SLCO3A1: variants seen among roughly 807,000 people sequenced by gnomAD.
SLCO3A1 encodes the protein PGE1 transporter.
A neutral mutation model predicts 63.1 loss-of-function variants in SLCO3A1; 27 were observed. The ratio of observed to expected loss-of-function variants is 0.43; its 90% CI spans 0.32 to 0.59. The LOEUF (loss-of-function observed/expected upper bound fraction) is 0.59. SLCO3A1 is among the 20% of genes least tolerant of loss of function. SLCO3A1 has a pLI of 0.09. For missense variants in SLCO3A1, 773 were observed against 945.8 expected, an observed-to-expected ratio of 0.82 and a Z score of 2.40; for synonymous variants, 473 against 409.9, an observed-to-expected ratio of 1.15 and a Z score of -1.86.
intron 2 of SLCO3A1, among the ~76,000 whole-genome samples, chr15:92,006,122 A>G (rs977319888): frequency 5.3e-5 from 8 of 152,156 alleles, no homozygotes; most frequent in Admixed American, 5.2e-4. Context: ...TATAAAGCCT[A>G]GAAAGCAACA....
chr15:92,011,940 G>A (rs567223638), intron 2 of SLCO3A1, among the ~76,000 whole-genome samples: 24 of 152,334 alleles, frequency 1.6e-4, no homozygotes, highest in African/African-American at 5.8e-4. Context: ...CTGTCCCCAG[G>A]GTCACAGACT....
Position 92,163,118 on chromosome 15 carries a change from A to G in SLCO3A1, c.2116A>G (p.Met706Val). The G allele has an allele frequency of 6.6e-7, 1 of 1,524,420 alleles. No individual in the cohort carries two copies. Among genetic ancestry groups the G allele is most frequent in the Non-Finnish European group, 8.8e-7 (1 of 1,137,974 alleles). 94.4% of individuals were successfully genotyped at this position (1,524,420 alleles called of 1,614,324 possible). A position where few individuals can be genotyped will look rare whatever the true frequency, so the allele number is the denominator to read the frequency against. ...NLEDHEWCEN[M>V]ESVL is the part of the protein sequence containing the mutation. The stretch of plus-strand genomic sequence containing the variant: ...GGAAGACCATGAGTGGTGTGAAAAC[A>G]TGGAGTCCGTTTTATAGTGACTAAA... Residue 706 changes from methionine to valine, a missense_variant, in exon 10 of 10, where the codon ATG becomes GTG. Physicochemically the swap from Met to Val is conservative, Grantham distance 21 (BLOSUM62 1). Coordinates refer to ENST00000318445, the MANE Select transcript of SLCO3A1 (RefSeq NM_013272.4).
At chr15:91,931,130 C>A (rs1240388930) in intron 2 of SLCO3A1, among the ~76,000 whole-genome samples, 1 of 152,202 alleles carries the variant, frequency 6.6e-6, no homozygotes, top group Admixed American at 6.5e-5. Flanking sequence ...AAGGAGACAG[C>A]CTTCCAAACC....
chr15:92,157,252 G>A (rs1450493603), intron 9 of SLCO3A1: 1 of 152,178 alleles, frequency 6.6e-6, no homozygotes, highest in African/African-American at 2.4e-5. Context: ...CTAGGGAGAA[G>A]ACAAGATAAA....
chr15:92,141,136 G>T (rs191620254), intron 7 of SLCO3A1, among the ~76,000 whole-genome samples: 1 of 152,234 alleles, frequency 6.6e-6, no homozygotes, highest in African/African-American at 2.4e-5. Context: ...TGACAGTAAA[G>T]CTAGATCCCG....
intron 2 of SLCO3A1, among the ~76,000 whole-genome samples, chr15:92,031,243 G>T (rs1426402490): frequency 6.6e-6 from 1 of 152,050 alleles, no homozygotes; most frequent in East Asian, 1.9e-4. Context: ...TGAACAGGAG[G>T]AGTTTTTTCA....
intron 2 of SLCO3A1, among the ~76,000 whole-genome samples, chr15:92,064,324 G>A (rs1243934359): frequency 6.6e-6 from 1 of 152,142 alleles, no homozygotes; most frequent in Non-Finnish European, 1.5e-5. Flanking sequence ...TGAGTTCTTT[G>A]TATATTCTGG....
intron 2 of SLCO3A1, among the ~76,000 whole-genome samples, chr15:92,028,516 A>G (rs139160803): frequency 9.8e-5 from 15 of 152,352 alleles, no homozygotes; most frequent in African/African-American, 3.6e-4. Flanking sequence ...TTTTAATGAA[A>G]TACAGAGAGA....
At chr15:92,002,585 C>A (rs2046268372) in intron 2 of SLCO3A1, among the ~76,000 whole-genome samples, 1 of 152,154 alleles carries the variant, frequency 6.6e-6, no homozygotes, top group East Asian at 1.9e-4. Flanking sequence ...CTTCTTGACT[C>A]CAGCCTTTCC....
chr15:92,056,115 G>GT (rs2047018298), intron 2 of SLCO3A1, among the ~76,000 whole-genome samples: 1 of 152,010 alleles, frequency 6.6e-6, no homozygotes, highest in African/African-American at 2.4e-5. Flanking sequence ...TCTGCATCTA[G>GT]TAACACCTGG....
intron 2 of SLCO3A1, among the ~76,000 whole-genome samples, chr15:92,050,412 G>A (rs1006525062): frequency 3.3e-5 from 5 of 152,182 alleles, no homozygotes; most frequent in East Asian, 1.9e-4. Flanking sequence ...GAGCAGATGC[G>A]ATGTTGTCAC....
intron 2 of SLCO3A1, among the ~76,000 whole-genome samples, chr15:92,089,820 A>C (rs1162624476): frequency 6.6e-6 from 1 of 152,198 alleles, no homozygotes; most frequent in Non-Finnish European, 1.5e-5. Context: ...TCATGGGCAG[A>C]AACTCTTCAT....
At chr15:91,947,255 C>G (rs1196916650) in intron 2 of SLCO3A1, among the ~76,000 whole-genome samples, 1 of 152,130 alleles carries the variant, frequency 6.6e-6, no homozygotes, top group African/African-American at 2.4e-5. Context: ...CCGTCTTTTC[C>G]GAGGCTCTGT....
At position 91,871,375 on chromosome 15, in the gene SLCO3A1, G is replaced by T. The variant is rs79603881; in HGVS notation, c.180+17287G>T. On this transcript the variant is annotated intron_variant, in intron 1 of 9. Transcript: ENST00000318445. ...GTGGGTTCGGTCTTCCTGTGTGGGG[G>T]GCACACACTGCACACCCTCTGGCAG... 6.8e-3 allele frequency among the ~76,000 whole-genome samples: 1,035 copies of T among 152,154 alleles called. 18 individuals are homozygous for T. The highest frequency in any genetic ancestry group is 0.023 in the African/African-American group (969 of 41,506).
At chr15:92,016,254 T>TTAGA (rs1555424441) in intron 2 of SLCO3A1, among the ~76,000 whole-genome samples, 3,813 of 95,558 alleles carry the variant, frequency 0.04, 85 homozygotes, top group Middle Eastern at 0.09. Flanking sequence ...GATAGATAGA[T>TTAGA]TAGATAGATA....
chr15:92,023,864 A>G (rs1339596411), intron 2 of SLCO3A1, among the ~76,000 whole-genome samples: 3 of 152,212 alleles, frequency 2.0e-5, no homozygotes, highest in South Asian at 2.1e-4. Flanking sequence ...TCCTTATCCC[A>G]TTGATCCTTA....
At chr15:91,861,387 G>C (rs1897042966) in intron 1 of SLCO3A1, among the ~76,000 whole-genome samples, 1 of 152,178 alleles carries the variant, frequency 6.6e-6, no homozygotes, top group Non-Finnish European at 1.5e-5. Context: ...CTTCTTTGTG[G>C]TTTTGAGTCG....
intron 2 of SLCO3A1, among the ~76,000 whole-genome samples, chr15:92,080,672 A>G (rs1272510470): frequency 6.6e-6 from 1 of 152,192 alleles, no homozygotes; most frequent in Non-Finnish European, 1.5e-5. Context: ...CAGAGGCCAC[A>G]CGGGGTACAC....
chr15:92,120,787 T>C (rs2047854241), intron 5 of SLCO3A1, among the ~76,000 whole-genome samples, 158 bp downstream of exon 5: 1 of 152,076 alleles, frequency 6.6e-6, no homozygotes, highest in Non-Finnish European at 1.5e-5. Context: ...TTAAAGTATA[T>C]TCTCAGAGTA....
Sources: gnomAD v4.1 joint callset for allele counts (sites outside exome capture counted in the v4.1 genomes callset) on GRCh38, gnomAD v4.1.1 for gene constraint, MANE v1.5 for transcripts, NCBI Gene and HGNC (gene_info 2026-07-23, HGNC 2026-07-21) for gene names.